MAP2: variants seen among roughly 807,000 people sequenced by gnomAD.
MAP2 encodes microtubule-associated protein 2.
Under a neutral mutation model 137.6 loss-of-function variants are expected in MAP2, and 14 were observed. That is an observed-to-expected ratio of 0.10 (90% CI 0.07 to 0.16). MAP2 has a LOEUF of 0.16. Among genes scored for constraint, MAP2 ranks in the 10% least tolerant of loss-of-function variants. The probability of loss-of-function intolerance (pLI) is 1.00; values close to 1 mark genes in which losing one functional copy is unlikely to be tolerated. For missense variants in MAP2, 2,088 were observed against 2,191.5 expected (o/e 0.95, Z 0.94); for synonymous variants, 786 against 782.3 (o/e 1.00, Z -0.08).
intron 2 of MAP2, among the ~76,000 whole-genome samples, chr2:209,553,158 C>A (rs1352500378): frequency 6.6e-6 from 1 of 151,704 alleles, no homozygotes; most frequent in Non-Finnish European, 1.5e-5. Context: ...ACTACAGGCA[C>A]CCACCACCAC....
intron 1 of MAP2, among the ~76,000 whole-genome samples, chr2:209,441,028 G>C (rs1303180263): frequency 6.6e-6 from 1 of 151,486 alleles, no homozygotes; most frequent in Non-Finnish European, 1.5e-5. Flanking sequence ...CATAATTATA[G>C]TTGTGTGCTA....
intron 3 of MAP2, among the ~76,000 whole-genome samples, chr2:209,602,703 G>A (rs1451949887): frequency 6.6e-6 from 1 of 152,224 alleles, no homozygotes; most frequent in Non-Finnish European, 1.5e-5. Flanking sequence ...GAAGACTCAA[G>A]TTCTTCTGAG....
rs551581474 is a variant in MAP2 at position 209,435,984 on chromosome 2, T to A, written c.-222+11708T>A. ...TATATATTATATATAATATATACAG[T>A]ATATATTATATACTATATATACAGT... On this transcript the variant is annotated intron_variant, in intron 1 of 15. Transcript: ENST00000682079. 2.3e-5 allele frequency among the ~76,000 whole-genome samples: 2 copies of A among 88,670 alleles called. 1 individual carries two copies. Among genetic ancestry groups the A allele is most frequent in the Non-Finnish European group, 4.0e-5 (2 of 50,120 alleles). 58.2% of individuals were successfully genotyped at this position (88,670 alleles called of 152,430 possible). A position where few individuals can be genotyped will look rare whatever the true frequency, so the allele number is the denominator to read the frequency against.
chr2:209,472,326 A>C (rs1182947345), intron 1 of MAP2, among the ~76,000 whole-genome samples: 1 of 152,186 alleles, frequency 6.6e-6, no homozygotes, highest in Non-Finnish European at 1.5e-5. Flanking sequence ...ATTAAGGAGA[A>C]AATGGGTCCC....
chr2:209,596,774 C>A (rs184829901), intron 3 of MAP2, among the ~76,000 whole-genome samples: 3 of 152,134 alleles, frequency 2.0e-5, no homozygotes, highest in African/African-American at 7.2e-5. Context: ...TAACTCAAAG[C>A]GAGTTCATTT....
At chr2:209,620,881 G>T (rs1431698196) in intron 3 of MAP2, among the ~76,000 whole-genome samples, 1 of 152,084 alleles carries the variant, frequency 6.6e-6, no homozygotes, top group African/African-American at 2.4e-5. Flanking sequence ...AGTCATTGAG[G>T]TTAAGCTTAG....
In MAP2 at chr2:209,733,106, T is replaced by C. The variant is rs185252440; in HGVS notation, c.*2709T>C. ...CTCAATTCTAGATCTACTATGCCAG[T>C]TTCTCTCTGGCTTTAGCCTTTGAGA... On this transcript the variant is annotated 3_prime_UTR_variant, in exon 16 of 16. Coordinates refer to ENST00000682079, the MANE Select transcript of MAP2 (RefSeq NM_001375505.1). 6 of 152,724 alleles carry C rather than the reference T, an allele frequency of 3.9e-5. No homozygotes were observed. In the South Asian group the frequency reaches 8.3e-4, roughly 21 times the overall value. The allele number at this position is 152,724 out of a possible 1,614,324, so 9.5% of individuals were successfully genotyped here. A position where few individuals can be genotyped will look rare whatever the true frequency, so the allele number is the denominator to read the frequency against.
At chr2:209,631,922 A>G (rs925444441) in intron 4 of MAP2, among the ~76,000 whole-genome samples, 4 of 152,166 alleles carry the variant, frequency 2.6e-5, no homozygotes, top group African/African-American at 9.6e-5. Flanking sequence ...TTGAGTCAAA[A>G]GGGGTAAATT....
intron 3 of MAP2, among the ~76,000 whole-genome samples, chr2:209,608,484 G>A (rs1038155305): frequency 6.6e-6 from 1 of 152,058 alleles, no homozygotes; most frequent in Middle Eastern, 3.4e-3. Context: ...ATGGGATCTC[G>A]CTATGTTGTC....
chr2:209,490,911 G>T (rs1218755368), intron 1 of MAP2, among the ~76,000 whole-genome samples: 1 of 152,024 alleles, frequency 6.6e-6, no homozygotes, highest in Non-Finnish European at 1.5e-5. Context: ...AATTAACAAG[G>T]ATATTCAGGA....
intron 5 of MAP2, among the ~76,000 whole-genome samples, chr2:209,658,679 G>A (rs1221504301): frequency 1.3e-5 from 2 of 151,910 alleles, no homozygotes; most frequent in African/African-American, 2.4e-5. Flanking sequence ...GCTAATTTTT[G>A]TATTTTTAGT....
At chr2:209,663,407 G>A (rs2044641677) in intron 5 of MAP2, among the ~76,000 whole-genome samples, 1 of 152,184 alleles carries the variant, frequency 6.6e-6, no homozygotes, top group South Asian at 2.1e-4. Context: ...CCGGCTCACT[G>A]TGTAGCTCGT....
At chr2:209,560,023 G>T (rs530199840) in intron 2 of MAP2, among the ~76,000 whole-genome samples, 1 of 152,182 alleles carries the variant, frequency 6.6e-6, no homozygotes, top group African/African-American at 2.4e-5. Flanking sequence ...CCAAATAGGA[G>T]CACCAATATA....
intron 5 of MAP2, among the ~76,000 whole-genome samples, chr2:209,660,675 G>A (rs1403490380): frequency 1.4e-5 from 2 of 147,504 alleles, no homozygotes; most frequent in Non-Finnish European, 3.0e-5. Flanking sequence ...GATTACAGGC[G>A]TGAGCCACCG....
At chr2:209,655,013 G>C (rs2095053162) in intron 5 of MAP2, among the ~76,000 whole-genome samples, 1 of 152,138 alleles carries the variant, frequency 6.6e-6, no homozygotes, top group African/African-American at 2.4e-5. Context: ...AGTGTGCTTG[G>C]TCATGCAGTA....
At chr2:209,542,684 A>G (rs943300218) in intron 2 of MAP2, among the ~76,000 whole-genome samples, 1 of 152,350 alleles carries the variant, frequency 6.6e-6, no homozygotes, top group East Asian at 1.9e-4. Context: ...CTTTTATGTT[A>G]TGAAGATGGC....
intron 1 of MAP2, among the ~76,000 whole-genome samples, chr2:209,490,697 A>ACAAAGAAG (rs2058997685): frequency 4.0e-5 from 6 of 151,644 alleles, no homozygotes; most frequent in Admixed American, 3.9e-4. Context: ...ATCAAAAAAG[A>ACAAAGAAG]CAAAGAAGGA....
chr2:209,698,413 A>G (rs1363019411), intron 10 of MAP2, among the ~76,000 whole-genome samples: 5 of 152,324 alleles, frequency 3.3e-5, no homozygotes, highest in African/African-American at 1.2e-4. Flanking sequence ...GCTAAATCAG[A>G]AAAGAATGTT....
In MAP2 at chr2:209,677,403, T is replaced by C. The variant is rs190619300; in HGVS notation, c.263-1169T>C. Among the ~76,000 whole-genome samples the C allele has an allele frequency of 4.8e-3, 698 of 146,432 alleles. 4 individuals carry two copies. The highest frequency in any genetic ancestry group is 0.014 in the African/African-American group (533 of 38,694). On this transcript the variant is annotated intron_variant, in intron 5 of 15. Transcript: ENST00000682079. ...ATGATAGATTAGATAGATAGATAGA[T>C]AGACAGACAGACAGACAGACAGACA...
Sources: allele counts gnomAD v4.1 joint callset (sites outside exome capture counted in the v4.1 genomes callset), GRCh38; gene constraint gnomAD v4.1.1; transcripts MANE v1.5; gene names NCBI Gene and HGNC (gene_info 2026-07-23, HGNC 2026-07-21).